Variants in MRTFA observed in about 807,000 individuals in gnomAD.
MRTFA encodes the protein myocardin-related transcription factor A.
MRTFA carries 20 observed loss-of-function variants against 83.5 expected under a neutral mutation model. That is an observed-to-expected ratio of 0.24 (90% confidence interval 0.17 to 0.35). MRTFA has a LOEUF of 0.35. Among genes scored for constraint, MRTFA ranks in the 10% least tolerant of loss-of-function variants. The probability of loss-of-function intolerance (pLI) is 1.00; values close to 1 mark genes in which losing one functional copy is unlikely to be tolerated. For missense variants in MRTFA, 1,200 were observed against 1,224.7 expected, an observed-to-expected ratio of 0.98 and a Z score of 0.30; for synonymous variants, 659 against 541.2, an observed-to-expected ratio of 1.22 and a Z score of -3.02.
At chr22:40,467,060 G>A (rs2053822944) in intron 3 of MRTFA, among the ~76,000 whole-genome samples, 1 of 151,962 alleles carries the variant, frequency 6.6e-6, no homozygotes. Flanking sequence ...CTCTAAAACT[G>A]AATGAAATTA....
chr22:40,529,983 G>C (rs1019874257), intron 3 of MRTFA, among the ~76,000 whole-genome samples: 1 of 152,318 alleles, frequency 6.6e-6, no homozygotes, highest in East Asian at 1.9e-4. Context: ...AAGACAGAGA[G>C]AGAAAAAACA....
Position 40,418,736 on chromosome 22 carries a change from G to A in MRTFA, c.2002C>T (p.Pro668Ser). Residue 668 changes from proline (P) to serine (S), a missense_variant, in exon 12 of 15, where the codon CCC (proline) becomes TCC (serine). This residue lies in a region of MRTFA where 1,107 missense variants were observed against 1,041.8 expected (regional missense o/e 1.06). Transcript: ENST00000355630. ...TTCACGGGGGTGCCGAGGGGGGCGG[G>A]GGCGGGGGCGGGCTGCTGGGCTCGC... 2.7e-6 allele frequency: 4 copies of A among 1,473,704 alleles called. No homozygotes were observed. The highest frequency in any genetic ancestry group is 3.6e-6 in the Non-Finnish European group (4 of 1,113,692). 91.3% of individuals were successfully genotyped at this position (1,473,704 alleles called of 1,614,324 possible).
chr22:40,499,562 CTTT>C (rs1307622961), intron 3 of MRTFA, among the ~76,000 whole-genome samples: 1 of 152,050 alleles, frequency 6.6e-6, no homozygotes, highest in Non-Finnish European at 1.5e-5. Context: ...CAGAAGAAAA[CTTT>C]TTTAAAATTT....
intron 4 of MRTFA, among the ~76,000 whole-genome samples, chr22:40,456,136 C>T (rs79949892): frequency 0.022 from 3,382 of 152,176 alleles, 57 homozygotes; most frequent in Non-Finnish European, 0.035. Context: ...GTGACAATGT[C>T]AAATCATAAC....
intron 4 of MRTFA, 85 bp downstream of exon 4, chr22:40,463,136 G>A (rs1602285156): frequency 8.4e-7 from 1 of 1,185,276 alleles, no homozygotes; most frequent in East Asian, 2.4e-5. Flanking sequence ...CTTGTTTTAT[G>A]TTAGATGCTT....
At chr22:40,493,057 T>A (rs1298993315) in intron 3 of MRTFA, among the ~76,000 whole-genome samples, 1 of 152,238 alleles carries the variant, frequency 6.6e-6, no homozygotes, top group Admixed American at 6.5e-5. Context: ...CTTATCTTGT[T>A]GACCTCAGCT....
chr22:40,559,172 T>C (rs2055576548), intron 2 of MRTFA, among the ~76,000 whole-genome samples: 1 of 152,128 alleles, frequency 6.6e-6, no homozygotes, highest in Admixed American at 6.5e-5. Flanking sequence ...GGCAGATTGT[T>C]AGAGCCCAGG....
chr22:40,603,029 T>C (rs1202968917), intron 1 of MRTFA, among the ~76,000 whole-genome samples: 2 of 152,198 alleles, frequency 1.3e-5, no homozygotes. Context: ...TGCCTTCCCT[T>C]CCTCCAGAAA....
intron 4 of MRTFA, among the ~76,000 whole-genome samples, chr22:40,444,469 A>G (rs2053337975): frequency 1.3e-5 from 2 of 152,230 alleles, no homozygotes; most frequent in Non-Finnish European, 2.9e-5. Flanking sequence ...TAAACCCCAA[A>G]TAAGATAACT....
chr22:40,411,654 A>C lies in MRTFA; in HGVS notation c.2832T>G (p.His944Gln). The C allele has an allele frequency of 6.2e-7, 1 of 1,612,290 alleles. No homozygotes were observed. Among genetic ancestry groups the C allele is most frequent in the South Asian group, 1.1e-5 (1 of 90,818 alleles). The change falls in exon 15 of 15, where the codon CAT (histidine) becomes CAG (glutamine). Residue 944 changes from histidine to glutamine, a missense_variant. This residue lies in a region of MRTFA where 1,107 missense variants were observed against 1,041.8 expected (regional missense o/e 1.06). Coordinates refer to ENST00000355630, the MANE Select transcript of MRTFA (RefSeq NM_020831.6). ...TGGCAGTGCTGCTCAGCATCTGGCT[A>C]TGGAGGTCGTCAATGAGGGAAAGGG...
chr22:40,579,171 C>A (rs1237231368), intron 2 of MRTFA, among the ~76,000 whole-genome samples: 1 of 152,150 alleles, frequency 6.6e-6, no homozygotes, highest in Non-Finnish European at 1.5e-5. Flanking sequence ...ATAGCCAAGT[C>A]TGCTAATTTA....
chr22:40,428,489 C>T (rs574693571), intron 7 of MRTFA, among the ~76,000 whole-genome samples: 9 of 152,274 alleles, frequency 5.9e-5, no homozygotes, highest in Non-Finnish European at 1.2e-4. Context: ...AGGCCCTGCA[C>T]GTCCTGAACT....
intron 3 of MRTFA, among the ~76,000 whole-genome samples, chr22:40,499,381 A>G (rs1017426750): frequency 6.6e-6 from 1 of 152,180 alleles, no homozygotes; most frequent in African/African-American, 2.4e-5. Flanking sequence ...TCTGAACACA[A>G]AACTGAGGAG....
At chr22:40,529,627 T>C (rs555167029) in intron 3 of MRTFA, among the ~76,000 whole-genome samples, 166 of 152,290 alleles carry the variant, frequency 1.1e-3, no homozygotes, top group African/African-American at 3.9e-3. Context: ...TTCAAATAGA[T>C]AACATGTATG....
intron 1 of MRTFA, among the ~76,000 whole-genome samples, chr22:40,630,339 A>G (rs1465524461): frequency 4.6e-5 from 7 of 152,104 alleles, no homozygotes; most frequent in Non-Finnish European, 8.8e-5. Flanking sequence ...ATAAAAAAAT[A>G]AAAGGTACAG....
chr22:40,519,116 A>AT, intron 3 of MRTFA, among the ~76,000 whole-genome samples: 1 of 151,226 alleles, frequency 6.6e-6, no homozygotes, highest in South Asian at 2.1e-4. Flanking sequence ...GTCTCAAGGG[A>AT]TGCTCCTGCA....
rs554277570 is a variant in MRTFA, at chr22:40,489,580, T to C, written c.242-26294A>G. Among the ~76,000 whole-genome samples the C allele has an allele frequency of 8.5e-5, 13 of 152,138 alleles. No homozygotes were observed. In the South Asian group the frequency reaches 1.5e-3, roughly 17 times the overall value. On this transcript the variant is annotated intron_variant, in intron 3 of 14. Coordinates refer to ENST00000355630, the MANE Select transcript of MRTFA (RefSeq NM_020831.6). Reference sequence around the variant, plus strand: ...CTCCCAGACTCAGCCTCCCCAAGTGTTGGGATTACAGGCATGAGCCACTGC... The same window carrying C: ...CTCCCAGACTCAGCCTCCCCAAGTGCTGGGATTACAGGCATGAGCCACTGC...
chr22:40,490,509 G>C (rs904443391), intron 3 of MRTFA, among the ~76,000 whole-genome samples: 2 of 151,466 alleles, frequency 1.3e-5, no homozygotes, highest in African/African-American at 4.9e-5. Flanking sequence ...TGAAGCAGGA[G>C]AATGGTATTA....
rs1287589202 is a variant in MRTFA at position 40,418,746 on chromosome 22, G to A, written c.1992C>T (p.Pro664=). 8.7e-6 allele frequency: 13 copies of A among 1,489,098 alleles called. No homozygotes were observed. Among genetic ancestry groups the A allele is most frequent in the African/African-American group, 4.2e-5 (3 of 70,878 alleles). The allele number at this position is 1,489,098 out of a possible 1,614,324, so 92.2% of individuals were successfully genotyped here. A position where few individuals can be genotyped will look rare whatever the true frequency, so the allele number is the denominator to read the frequency against. The change falls in exon 12 of 15, where the codon CCC becomes CCT. Residue 664 remains proline, a synonymous_variant. Transcript: ENST00000355630. ...TGCCGAGGGGGGCGGGGGCGGGGGC[G>A]GGCTGCTGGGCTCGCTTCTCCTGCT...
Sources: gnomAD v4.1 joint callset for allele counts (sites outside exome capture counted in the v4.1 genomes callset) on GRCh38, gnomAD v4.1.1 for gene constraint, gnomAD v4.1.1 regional missense constraint, MANE v1.5 for transcripts, NCBI Gene and HGNC (gene_info 2026-07-23, HGNC 2026-07-21) for gene names.